ATP6V1C2: variants seen among roughly 807,000 people sequenced by gnomAD.
The protein encoded by ATP6V1C2 is V-type proton ATPase subunit C 2.
ATP6V1C2 carries 45 observed loss-of-function variants against 56.8 expected under a neutral mutation model. The ratio of observed to expected loss-of-function variants is 0.79; its 90% CI spans 0.62 to 1.02. ATP6V1C2 has a LOEUF of 1.02. ATP6V1C2 is among the 50% of genes least tolerant of loss of function. ATP6V1C2 has a pLI of 0.00. For missense variants in ATP6V1C2, 463 were observed against 519.7 expected (o/e 0.89, Z 1.06); for synonymous variants, 220 against 201.3 (o/e 1.09, Z -0.79).
intron 3 of ATP6V1C2, among the ~76,000 whole-genome samples, chr2:10,731,549 T>A (rs1661952905): frequency 6.6e-6 from 1 of 152,162 alleles, no homozygotes; most frequent in Admixed American, 6.6e-5. Context: ...ATGCTAAACC[T>A]AAGAAAGGCC....
At chr2:10,782,424 C>G in intron 13 of ATP6V1C2, 49 bp downstream of exon 13, 1 of 1,597,926 alleles carries the variant, frequency 6.3e-7, no homozygotes, top group Non-Finnish European at 8.5e-7. Context: ...CAGCATCTTA[C>G]TTTCAAAAAA....
In ATP6V1C2 at chr2:10,784,903, T is replaced by A; in HGVS notation, c.*1640T>A. ...GCTCAAGAGAGTAAACCAGGACTGC[T>A]GCCCGCACAGCTTCCCTCCCGGGCA... On this transcript the variant is annotated 3_prime_UTR_variant, in exon 14 of 14. Transcript: ENST00000272238. 2 of 1,454,410 alleles carry A rather than the reference T, an allele frequency of 1.4e-6. No individual in the cohort carries two copies. The highest frequency in any genetic ancestry group is 1.9e-5 in the Admixed American group (1 of 51,978). 90.1% of individuals were successfully genotyped at this position (1,454,410 alleles called of 1,614,324 possible).
At chr2:10,768,648 G>A in intron 5 of ATP6V1C2, 71 bp from the exon 6 acceptor site, 1 of 1,220,278 alleles carries the variant, frequency 8.2e-7, no homozygotes, top group Non-Finnish European at 1.2e-6. Flanking sequence ...AGCTGTTGTG[G>A]CCATTTCAAA....
chr2:10,721,421 C>G (rs751267877), upstream of ATP6V1C2, among the ~76,000 whole-genome samples: 2 of 152,214 alleles, frequency 1.3e-5, no homozygotes, highest in South Asian at 4.1e-4. Flanking sequence ...GCCGCAGAAG[C>G]CCCCAGGGCC....
At position 10,725,723 on chromosome 2, in the gene ATP6V1C2, G is replaced by C. The variant is rs533575706; in HGVS notation, c.130-779G>C. ...TTGGCCAGGCTGGTCTCAAACTCCT[G>C]AACTCAGGTGATCTGCCCACCTTGG... On this transcript the variant is annotated intron_variant, in intron 2 of 13. Transcript: ENST00000272238. Among the ~76,000 whole-genome samples the C allele has an allele frequency of 7.9e-4, 120 of 151,098 alleles. 4 individuals carry two copies. In the South Asian group the frequency reaches 0.025, roughly 31 times the overall value.
chr2:10,723,763 C>A (rs1022171995), intron 2 of ATP6V1C2, among the ~76,000 whole-genome samples: 1 of 146,444 alleles, frequency 6.8e-6, no homozygotes, highest in African/African-American at 2.5e-5. Context: ...GGTGTGAATC[C>A]GGGAGGTGGA....
intron 4 of ATP6V1C2, among the ~76,000 whole-genome samples, chr2:10,760,412 C>T (rs1158855543): frequency 1.3e-5 from 2 of 152,152 alleles, no homozygotes; most frequent in East Asian, 3.9e-4. Flanking sequence ...GAGGGCCGTC[C>T]TCAGACAACA....
At chr2:10,731,285 G>A (rs1416617316) in intron 3 of ATP6V1C2, among the ~76,000 whole-genome samples, 1 of 152,112 alleles carries the variant, frequency 6.6e-6, no homozygotes, top group African/African-American at 2.4e-5. Flanking sequence ...ACTAATCTTT[G>A]GCTCTCTCAT....
chr2:10,777,441 CT>C, intron 10 of ATP6V1C2, 143 bp from the exon 11 acceptor site: 2 of 1,029,990 alleles, frequency 1.9e-6, no homozygotes, highest in Non-Finnish European at 2.8e-6. Context: ...CCTACCACAT[CT>C]CTAGTCTAGC....
At chr2:10,745,282 C>T (rs1662847949) in intron 3 of ATP6V1C2, among the ~76,000 whole-genome samples, 1 of 151,378 alleles carries the variant, frequency 6.6e-6, no homozygotes, top group Admixed American at 6.6e-5. Context: ...AGGTGATCCA[C>T]CCACCTCAAC....
intron 6 of ATP6V1C2, among the ~76,000 whole-genome samples, chr2:10,770,245 A>G (rs771251363): frequency 2.0e-5 from 3 of 152,080 alleles, no homozygotes; most frequent in Non-Finnish European, 4.4e-5. Flanking sequence ...CTAAAAATAC[A>G]AAATTAGCCG....
chr2:10,722,953 C>A lies in ATP6V1C2; in HGVS notation c.104C>A (p.Thr35Asn). The change falls in exon 2 of 14, where the codon ACC becomes AAC. Residue 35 changes from threonine to asparagine, a missense_variant. Coordinates refer to ENST00000272238, the MANE Select transcript of ATP6V1C2 (RefSeq NM_001039362.2). ...VTSKSNLSYNTKFAIPDFKVG... is the reference protein window; with the variant it reads ...VTSKSNLSYNNKFAIPDFKVG... ...TCCAAGTCCAACCTGTCTTATAATA[C>A]CAAATTCGCTATTCCTGACTTCAAG... The A allele has an allele frequency of 6.2e-7, 1 of 1,613,884 alleles. No homozygotes were observed. Among genetic ancestry groups the A allele is most frequent in the Non-Finnish European group, 8.5e-7 (1 of 1,179,966 alleles).
chr2:10,772,326 G>A (rs912926216), intron 7 of ATP6V1C2, among the ~76,000 whole-genome samples: 1 of 152,124 alleles, frequency 6.6e-6, no homozygotes, highest in Non-Finnish European at 1.5e-5. Flanking sequence ...TGTATCCATA[G>A]CTCTTCACAA....
At chr2:10,727,144 A>G (rs34022815) in intron 3 of ATP6V1C2, among the ~76,000 whole-genome samples, 73,522 of 149,502 alleles carry the variant, frequency 0.49, 18,861 homozygotes, top group East Asian at 0.74. Context: ...ATCGTGGCTC[A>G]TTGCAACCTC....
intron 3 of ATP6V1C2, among the ~76,000 whole-genome samples, chr2:10,747,956 G>C (rs1663014030): frequency 6.6e-6 from 1 of 152,020 alleles, no homozygotes; most frequent in South Asian, 2.1e-4. Context: ...TGCCTCCCAG[G>C]CTCAAGCAAT....
intron 10 of ATP6V1C2, among the ~76,000 whole-genome samples, chr2:10,776,960 C>A (rs1665031775): frequency 6.6e-6 from 1 of 152,238 alleles, no homozygotes; most frequent in African/African-American, 2.4e-5. Flanking sequence ...CTGGCCCCCT[C>A]TGGCCTATCT....
chr2:10,777,969 G>A (rs1665108501), intron 11 of ATP6V1C2, among the ~76,000 whole-genome samples: 2 of 146,470 alleles, frequency 1.4e-5, no homozygotes, highest in South Asian at 4.2e-4. Flanking sequence ...GGAGGTGGCT[G>A]GAGCTGGGAC....
At chr2:10,741,613 T>C (rs542409683) in intron 3 of ATP6V1C2, among the ~76,000 whole-genome samples, 6 of 152,224 alleles carry the variant, frequency 3.9e-5, no homozygotes, top group South Asian at 4.1e-4. Flanking sequence ...TAGCACCTGC[T>C]TTCACGGATG....
chr2:10,751,813 C>T lies in ATP6V1C2; in HGVS notation c.198-2168C>T, dbSNP rs569694581. On this transcript the variant is annotated intron_variant, in intron 3 of 13. Transcript: ENST00000272238. The stretch of plus-strand genomic sequence containing the variant: ...ATAATAGGTGATATCAAAAGAAGAC[C>T]TTAACTCTGTCTGGCTGGGCGCAGT... Among the ~76,000 whole-genome samples, 40 of 152,260 alleles carry T rather than the reference C, an allele frequency of 2.6e-4. 1 individual carries two copies. In the East Asian group the frequency reaches 6.6e-3, roughly 25 times the overall value.
Sources: gnomAD v4.1 joint callset for allele counts (sites outside exome capture counted in the v4.1 genomes callset) on GRCh38, gnomAD v4.1.1 for gene constraint, MANE v1.5 for transcripts, NCBI Gene and HGNC (gene_info 2026-07-23, HGNC 2026-07-21) for gene names.